MAGI2: variants seen among roughly 807,000 people sequenced by gnomAD.
The protein encoded by MAGI2 is membrane associated guanylate kinase, WW and PDZ domain containing 2.
In MAGI2, 35 loss-of-function variants were observed where a neutral mutation model predicts 133.3. The ratio of observed to expected loss-of-function variants is 0.26; its 90% confidence interval spans 0.20 to 0.35. The LOEUF is 0.35. Ranked by LOEUF, MAGI2 falls within the 10% of genes least tolerant of loss-of-function variation. The pLI, the probability that MAGI2 is intolerant of heterozygous loss-of-function variation, is 1.00. For missense variants in MAGI2, 1,636 were observed against 1,863.4 expected, an observed-to-expected ratio of 0.88 and a Z score of 2.25; for synonymous variants, 729 against 710.6, an observed-to-expected ratio of 1.03 and a Z score of -0.41.
At chr7:78,036,002 T>G (rs1483386972) in intron 21 of MAGI2, among the ~76,000 whole-genome samples, 1 of 152,156 alleles carries the variant, frequency 6.6e-6, no homozygotes, top group Non-Finnish European at 1.5e-5. Flanking sequence ...GTCTCACATT[T>G]CAAAGCATTT....
intron 21 of MAGI2, among the ~76,000 whole-genome samples, chr7:78,033,935 A>G (rs1295442914): frequency 6.6e-6 from 1 of 152,204 alleles, no homozygotes; most frequent in Non-Finnish European, 1.5e-5. Context: ...TTTAAGCAGG[A>G]GAGTGATGCT....
At chr7:79,129,993 T>G (rs1051885618) in intron 1 of MAGI2, among the ~76,000 whole-genome samples, 5 of 152,082 alleles carry the variant, frequency 3.3e-5, no homozygotes, top group Non-Finnish European at 7.4e-5. Context: ...TATTTATTTT[T>G]GGAGTTCTGT....
At chr7:78,590,140 G>A (rs1803847599) in intron 3 of MAGI2, among the ~76,000 whole-genome samples, 1 of 152,182 alleles carries the variant, frequency 6.6e-6, no homozygotes, top group Non-Finnish European at 1.5e-5. Flanking sequence ...AGTTTTGCAG[G>A]AAGACTGTTG....
chr7:78,875,859 T>G (rs1473439762), intron 2 of MAGI2, among the ~76,000 whole-genome samples: 2 of 151,986 alleles, frequency 1.3e-5, no homozygotes. Context: ...AGATAGGAAA[T>G]AACAGAAATA....
At chr7:79,363,510 G>A (rs957686331) in intron 1 of MAGI2, among the ~76,000 whole-genome samples, 3 of 150,776 alleles carry the variant, frequency 2.0e-5, no homozygotes, top group Non-Finnish European at 4.5e-5. Context: ...AATAGCTAAA[G>A]TGATTTTCAA....
At chr7:79,289,724 T>A (rs1030367530) in intron 1 of MAGI2, among the ~76,000 whole-genome samples, 2 of 152,142 alleles carry the variant, frequency 1.3e-5, no homozygotes, top group African/African-American at 4.8e-5. Flanking sequence ...CACTAGAAAA[T>A]TGATTTAATT....
At chr7:78,649,829 T>C (rs977965087) in intron 2 of MAGI2, among the ~76,000 whole-genome samples, 11 of 152,242 alleles carry the variant, frequency 7.2e-5, no homozygotes, top group Non-Finnish European at 1.2e-4. Flanking sequence ...ACAGTCCTCA[T>C]TTGTAAAATG....
At chr7:78,078,809 TG>T in intron 21 of MAGI2, 137 bp downstream of exon 21, 1 of 752,534 alleles carries the variant, frequency 1.3e-6, no homozygotes, top group Non-Finnish European at 2.2e-6. Context: ...TGTGTGTGTG[TG>T]TGTATATATA....
intron 6 of MAGI2, among the ~76,000 whole-genome samples, chr7:78,404,929 G>A (rs906494376): frequency 3.3e-5 from 5 of 151,918 alleles, no homozygotes; most frequent in Non-Finnish European, 5.9e-5. Context: ...TCTGACAAAG[G>A]GCTAATATCC....
chr7:78,981,623 T>G (rs73703744), intron 2 of MAGI2, among the ~76,000 whole-genome samples: 1 of 151,904 alleles, frequency 6.6e-6, no homozygotes, highest in Admixed American at 6.6e-5. Context: ...TGCATCCGAC[T>G]TTTTCAGAGG....
At chr7:79,172,305 A>G (rs1310487212) in intron 1 of MAGI2, among the ~76,000 whole-genome samples, 2 of 152,068 alleles carry the variant, frequency 1.3e-5, no homozygotes, top group African/African-American at 4.8e-5. Flanking sequence ...TTGGAACATT[A>G]TAGATGTTAA....
At chr7:78,870,900 A>G (rs1794976963) in intron 2 of MAGI2, among the ~76,000 whole-genome samples, 1 of 152,200 alleles carries the variant, frequency 6.6e-6, no homozygotes, top group Non-Finnish European at 1.5e-5. Flanking sequence ...ATTCTCTGCA[A>G]CCTGGGTGGA....
At chr7:78,832,636 A>G (rs1486025361) in intron 2 of MAGI2, among the ~76,000 whole-genome samples, 1 of 152,170 alleles carries the variant, frequency 6.6e-6, no homozygotes, top group African/African-American at 2.4e-5. Flanking sequence ...GCATAATCTC[A>G]TGATACAAGG....
intron 2 of MAGI2, among the ~76,000 whole-genome samples, chr7:78,930,961 G>C (rs140461559): frequency 6.6e-6 from 1 of 152,192 alleles, no homozygotes; most frequent in Non-Finnish European, 1.5e-5. Flanking sequence ...ACTGCGAAAC[G>C]AATTTCTATT....
chr7:78,963,879 G>T (rs1168236497), intron 2 of MAGI2, among the ~76,000 whole-genome samples: 2 of 152,002 alleles, frequency 1.3e-5, no homozygotes, highest in East Asian at 3.9e-4. Context: ...TTAATAAAAT[G>T]TGGTGATTTT....
At chr7:78,133,315 CA>C (rs1328872560) in intron 17 of MAGI2, among the ~76,000 whole-genome samples, 1 of 151,914 alleles carries the variant, frequency 6.6e-6, no homozygotes, top group African/African-American at 2.4e-5. Context: ...AAAAGATTAC[CA>C]AAAAACCTCA....
intron 6 of MAGI2, among the ~76,000 whole-genome samples, chr7:78,487,594 C>A (rs745312495): frequency 6.6e-6 from 1 of 152,122 alleles, no homozygotes; most frequent in Non-Finnish European, 1.5e-5. Flanking sequence ...GTTTGCCAAC[C>A]TGCACTAGGA....
chr7:79,067,682 C>T (rs536586087), intron 1 of MAGI2, among the ~76,000 whole-genome samples: 4 of 152,254 alleles, frequency 2.6e-5, no homozygotes, highest in African/African-American at 9.6e-5. Context: ...TGTCTTGTAC[C>T]AGTTTTCAAA....
intron 2 of MAGI2, among the ~76,000 whole-genome samples, chr7:78,893,552 A>G: frequency 6.6e-6 from 1 of 152,170 alleles, no homozygotes; most frequent in East Asian, 1.9e-4. Flanking sequence ...ATGCAGCCAT[A>G]AAAAATGATG....
Sources: gnomAD v4.1 joint callset for allele counts (sites outside exome capture counted in the v4.1 genomes callset) on GRCh38, gnomAD v4.1.1 for gene constraint, MANE v1.5 for transcripts, NCBI Gene and HGNC (gene_info 2026-07-23, HGNC 2026-07-21) for gene names.